The following LAMC3 variants were observed in gnomAD, a reference collection of about 807,000 sequenced individuals.
LAMC3 encodes laminin subunit gamma-3.
In LAMC3, 128 loss-of-function variants were observed where a neutral mutation model predicts 173.8. The ratio of observed to expected loss-of-function variants is 0.74; its 90% CI spans 0.64 to 0.85. The LOEUF is 0.85. Ranked by LOEUF, LAMC3 falls within the 40% of genes least tolerant of loss-of-function variation. LAMC3 has a pLI of 0.00. For synonymous variants in LAMC3, 897 were observed against 909.1 expected (o/e 0.99, Z 0.24); for missense variants, 2,022 against 2,156.0 (o/e 0.94, Z 1.23).
At chr9:131,040,586 A>T (rs1834031396) in intron 6 of LAMC3, among the ~76,000 whole-genome samples, 1 of 152,068 alleles carries the variant, frequency 6.6e-6, no homozygotes. Flanking sequence ...ATTCCTTGTA[A>T]AATATTTGGT....
intron 2 of LAMC3, among the ~76,000 whole-genome samples, chr9:131,031,522 C>A (rs1035723564): frequency 1.3e-5 from 2 of 152,192 alleles, no homozygotes; most frequent in Admixed American, 1.3e-4. Context: ...GCCAAGAAAC[C>A]CGGGGCCAGC....
At chr9:131,047,354 C>T (rs1233770881) in intron 8 of LAMC3, among the ~76,000 whole-genome samples, 3 of 150,850 alleles carry the variant, frequency 2.0e-5, no homozygotes, top group African/African-American at 7.3e-5. Flanking sequence ...TAGTACAGGT[C>T]GGGGGTTTCA....
rs1833709657 is a variant in LAMC3 at position 131,026,073 on chromosome 9, C to T, written c.374-212C>T. Among the ~76,000 whole-genome samples the T allele has an allele frequency of 6.6e-6, 1 of 152,168 alleles. No individual in the cohort carries two copies. The highest frequency in any genetic ancestry group is 1.5e-5 in the Non-Finnish European group (1 of 68,020). On this transcript the variant is annotated intron_variant, in intron 1 of 27. Coordinates refer to ENST00000361069, the MANE Select transcript of LAMC3 (RefSeq NM_006059.4). The surrounding 1 kb of genome is among the most constrained non-coding windows in gnomAD (Gnocchi z 4.8). Reference sequence around the variant, plus strand: ...GTGGCGAGTTGACCCAGAAGAGGGACAGCAAATACTTGGGAAGCATGTGGG... The same window carrying T: ...GTGGCGAGTTGACCCAGAAGAGGGATAGCAAATACTTGGGAAGCATGTGGG...
intron 11 of LAMC3, among the ~76,000 whole-genome samples, chr9:131,054,820 G>T (rs1338409738): frequency 9.0e-6 from 1 of 110,542 alleles, no homozygotes; most frequent in African/African-American, 4.4e-5. Context: ...GAGAGAGAAA[G>T]AAAGAAGAAG....
intron 20 of LAMC3, among the ~76,000 whole-genome samples, chr9:131,074,555 G>A (rs761606572): frequency 1.3e-5 from 2 of 149,958 alleles, no homozygotes; most frequent in African/African-American, 2.5e-5. Context: ...AATTAGCCAG[G>A]CATGGTGGCA....
Position 131,009,674 on chromosome 9 carries a change from C to T in LAMC3, c.373+87C>T, listed in dbSNP as rs1024327378. The T allele has an allele frequency of 1.8e-5, 27 of 1,481,500 alleles. No homozygotes were observed. The highest frequency in any genetic ancestry group is 2.5e-5 in the Non-Finnish European group (27 of 1,099,288). The allele number at this position is 1,481,500 out of a possible 1,614,324, so 91.8% of individuals were successfully genotyped here. A position where few individuals can be genotyped will look rare whatever the true frequency, so the allele number is the denominator to read the frequency against. ...GGCTGAGGCCTGAGCTGCTGTGCGC[C>T]CAGGTTGGGCTGCAGGACCCAGATA... On this transcript the variant is annotated intron_variant, in intron 1 of 27. Transcript: ENST00000361069. This position sits in a 1 kb window ranked among gnomAD's most constrained non-coding sequence, Gnocchi z 4.3.
At chr9:131,023,853 CCTTTGTCAG>C (rs1833673191) in intron 1 of LAMC3, among the ~76,000 whole-genome samples, 2 of 152,116 alleles carry the variant, frequency 1.3e-5, no homozygotes, top group Admixed American at 1.3e-4. Context: ...ATCTACTCCT[CCTTTGTCAG>C]TTTTTAATTG....
intron 1 of LAMC3, among the ~76,000 whole-genome samples, chr9:131,014,462 A>G (rs7875915): frequency 0.18 from 27,263 of 152,232 alleles, 3,427 homozygotes; most frequent in African/African-American, 0.36. Context: ...GTTGGGCAGA[A>G]GGCCTGCCCA....
intron 2 of LAMC3, 62 bp from the exon 3 acceptor site, chr9:131,031,983 G>A (rs557733075): frequency 6.0e-5 from 96 of 1,613,404 alleles, no homozygotes; most frequent in African/African-American, 3.9e-4. Flanking sequence ...CCAGCAGAGC[G>A]ATGGGGGTAA....
In LAMC3 at chr9:131,052,545, T is replaced by C; in HGVS notation, c.1685T>C (p.Phe562Ser). 6.2e-7 allele frequency: 1 copy of C among 1,614,156 alleles called. No homozygotes were observed. Among genetic ancestry groups the C allele is most frequent in the Non-Finnish European group, 8.5e-7 (1 of 1,179,992 alleles). ...FSYGQPLILT[F>S]RVPPGDSPLP... ...TATGGGCAGCCCCTCATACTGACCT[T>C]CCGGGTGCCCCCCGGGGACTCCCCA... is the stretch of plus-strand genomic sequence containing the variant. The change falls in exon 10 of 28, where the codon TTC becomes TCC. Residue 562 changes from phenylalanine (F) to serine (S), a missense_variant. Phe to Ser is a radical substitution (Grantham distance 155). Transcript: ENST00000361069.
intron 11 of LAMC3, among the ~76,000 whole-genome samples, chr9:131,053,769 G>A (rs563857951): frequency 6.6e-6 from 1 of 152,024 alleles, no homozygotes; most frequent in African/African-American, 2.4e-5. Context: ...GGAGGCGGAG[G>A]TTGTAGTGAG....
chr9:131,060,680 G>A (rs1254455996), intron 12 of LAMC3, among the ~76,000 whole-genome samples: 1 of 151,822 alleles, frequency 6.6e-6, no homozygotes, highest in East Asian at 1.9e-4. Flanking sequence ...TAACAGCAGC[G>A]ATGAGTATGT....
rs766999484 is a variant in LAMC3, at chr9:131,091,727, C to G, written c.4668C>G (p.Asp1556Glu). The G allele has an allele frequency of 1.9e-6, 3 of 1,613,336 alleles. No individual in the cohort carries two copies. Among genetic ancestry groups the G allele is most frequent in the Non-Finnish European group, 2.5e-6 (3 of 1,179,942 alleles). ...FESDLAEIRA[D>E]KQNLEAILHS... Reference sequence around the variant, plus strand: ...GTGACCTCGCCGAGATCCGCGCCGACAAACAGAACCTGGAGGCCATTCTGC... The same window carrying G: ...GTGACCTCGCCGAGATCCGCGCCGAGAAACAGAACCTGGAGGCCATTCTGC... Residue 1556 changes from aspartate to glutamate, a missense_variant, in exon 28 of 28, where the codon GAC becomes GAG. Asp to Glu is a conservative substitution (Grantham distance 45). Transcript: ENST00000361069.
rs1480589704 is a variant in LAMC3, at chr9:131,067,224, A to T, written c.2593+19A>T. 6.2e-7 allele frequency: 1 copy of T among 1,612,062 alleles called. No individual in the cohort carries two copies. The highest frequency in any genetic ancestry group is 2.2e-5 in the East Asian group (1 of 44,786). On this transcript the variant is annotated intron_variant, in intron 14 of 27. Transcript: ENST00000361069. ...TGCATGCGTGAGTACCTACCTCCAG[A>T]CCCCAGGGTGGCACATGGTGGGCCC...
Position 131,087,500 on chromosome 9 carries a change from C to A in LAMC3, c.4255C>A (p.Arg1419=). 6.2e-7 allele frequency: 1 copy of A among 1,613,808 alleles called. No individual in the cohort carries two copies. Among genetic ancestry groups the A allele is most frequent in the Non-Finnish European group, 8.5e-7 (1 of 1,180,034 alleles). The change falls in exon 26 of 28, where the codon CGG becomes AGG. Residue 1419 remains arginine (R), a synonymous_variant. Coordinates refer to ENST00000361069, the MANE Select transcript of LAMC3 (RefSeq NM_006059.4). Reference sequence around the variant, plus strand: ...GCTTGCCAAGGCCTTGCTGAGGGAGCGGAAACAGGCGCACCGCCGTGCCAG... The same window carrying A: ...GCTTGCCAAGGCCTTGCTGAGGGAGAGGAAACAGGCGCACCGCCGTGCCAG... ...AKLAKALLRE[R]KQAHRRASRL... is the part of the protein sequence containing the mutation.
At chr9:131,065,039 TAAAAAAA>T (rs754104539) in intron 13 of LAMC3, among the ~76,000 whole-genome samples, 19 of 27,422 alleles carry the variant, frequency 6.9e-4, no homozygotes, top group Non-Finnish European at 2.0e-3. Context: ...AGACTCCATC[TAAAAAAA>T]AAAAAAAAAA....
rs1440700925 is a variant in LAMC3, at chr9:131,009,178, G to A, written c.-37G>A. 8.5e-7 allele frequency: 1 copy of A among 1,172,456 alleles called. No individual in the cohort carries two copies. Among genetic ancestry groups the A allele is most frequent in the African/African-American group, 1.6e-5 (1 of 62,082 alleles). 72.6% of individuals were successfully genotyped at this position (1,172,456 alleles called of 1,614,324 possible). Reference sequence around the variant, plus strand: ...CGGTCCGCGCCCACCCTAGCCGAGCGGGGCCGGCAGAGCGCGCGGCGTCGG... The same window carrying A: ...CGGTCCGCGCCCACCCTAGCCGAGCAGGGCCGGCAGAGCGCGCGGCGTCGG... On this transcript the variant is annotated 5_prime_UTR_variant, in exon 1 of 28. Transcript: ENST00000361069. The surrounding 1 kb of genome is among the most constrained non-coding windows in gnomAD (Gnocchi z 4.3).
intron 25 of LAMC3, 193 bp downstream of exon 25, chr9:131,085,916 C>T (rs1451871129): frequency 4.5e-6 from 3 of 669,366 alleles, no homozygotes; most frequent in Non-Finnish European, 8.2e-6. Context: ...TTGCTGTCCC[C>T]ATTGTACAGG....
At chr9:131,083,930 A>C (rs1024242280) in intron 24 of LAMC3, among the ~76,000 whole-genome samples, 1 of 123,842 alleles carries the variant, frequency 8.1e-6, no homozygotes, top group Non-Finnish European at 1.6e-5. Flanking sequence ...GCTGGAGTAC[A>C]GTGGCATGAT....
Sources: allele counts gnomAD v4.1 joint callset (sites outside exome capture counted in the v4.1 genomes callset), GRCh38; gene constraint gnomAD v4.1.1; non-coding constraint Gnocchi (gnomAD v3.1); transcripts MANE v1.5; gene names NCBI Gene and HGNC (gene_info 2026-07-23, HGNC 2026-07-21).